NECAB2: variants seen among roughly 807,000 people sequenced by gnomAD.
NECAB2 encodes the protein N-terminal EF-hand calcium-binding protein 2.
In NECAB2, 68 loss-of-function variants were observed where a neutral mutation model predicts 51.9. The ratio of observed to expected loss-of-function variants is 1.31; its 90% CI spans 1.08 to 1.60. The LOEUF (loss-of-function observed/expected upper bound fraction) is 1.60, where lower values mean the gene tolerates loss of function less well. Ranked by LOEUF, NECAB2 falls within the 40% of genes most tolerant of loss-of-function variation. NECAB2 has a pLI of 0.00. For missense variants in NECAB2, 854 were observed against 490.3 expected (o/e 1.74, Z -7.00); for synonymous variants, 329 against 203.5 (o/e 1.62, Z -5.25).
intron 5 of NECAB2, among the ~76,000 whole-genome samples, chr16:83,983,057 C>G (rs563531910): frequency 1.3e-5 from 2 of 151,640 alleles, no homozygotes; most frequent in African/African-American, 4.8e-5. Context: ...TTAGTAGAGA[C>G]GGGGTTTCAC....
intron 5 of NECAB2, among the ~76,000 whole-genome samples, chr16:83,983,701 C>T (rs1407191518): frequency 1.3e-5 from 2 of 152,160 alleles, no homozygotes; most frequent in African/African-American, 2.4e-5. Flanking sequence ...ATTCTTTTAT[C>T]ACATTACTGA....
intron 8 of NECAB2, 30 bp from the exon 9 acceptor site, chr16:83,997,186 C>T (rs376213569): frequency 4.3e-6 from 7 of 1,613,848 alleles, no homozygotes; most frequent in African/African-American, 2.7e-5. Flanking sequence ...GGCTCTGGGT[C>T]TAGCATCACT....
At chr16:83,998,475 A>G (rs771804353) in intron 10 of NECAB2, among the ~76,000 whole-genome samples, 158 bp downstream of exon 10, 5 of 152,120 alleles carry the variant, frequency 3.3e-5, no homozygotes, top group Non-Finnish European at 7.4e-5. Flanking sequence ...GTCTCTACTG[A>G]GGTTCCTCCC....
chr16:83,973,600 CAG>C (rs1387154849), intron 2 of NECAB2, among the ~76,000 whole-genome samples: 1 of 152,164 alleles, frequency 6.6e-6, no homozygotes, highest in Non-Finnish European at 1.5e-5. Context: ...GAGGGGAAAT[CAG>C]GGGGCTGTCC....
At chr16:83,984,767 A>T (rs2084531545) in intron 5 of NECAB2, among the ~76,000 whole-genome samples, 1 of 152,200 alleles carries the variant, frequency 6.6e-6, no homozygotes, top group South Asian at 2.1e-4. Context: ...TGTAGCTCAC[A>T]TCTTAAGTTT....
chr16:83,976,052 G>A (rs895778699), intron 2 of NECAB2, among the ~76,000 whole-genome samples: 2 of 152,068 alleles, frequency 1.3e-5, no homozygotes, highest in African/African-American at 4.8e-5. Context: ...CTGGTCTCTG[G>A]CTGCCTGCTC....
intron 8 of NECAB2, among the ~76,000 whole-genome samples, chr16:83,995,561 C>T (rs1316905277): frequency 1.3e-5 from 2 of 152,216 alleles, no homozygotes; most frequent in Non-Finnish European, 2.9e-5. Flanking sequence ...CACATGCACA[C>T]AGCACACCCG....
chr16:83,969,289 C>G (rs2084323423), intron 1 of NECAB2, among the ~76,000 whole-genome samples: 1 of 152,114 alleles, frequency 6.6e-6, no homozygotes, highest in African/African-American at 2.4e-5. Context: ...ACCCCTACCT[C>G]TAGCCCACCT....
intron 6 of NECAB2, chr16:83,993,501 G>T (rs904405464): frequency 6.5e-6 from 1 of 154,262 alleles, no homozygotes; most frequent in Admixed American, 6.5e-5. Flanking sequence ...TTCTGGGGGA[G>T]TGTCTGTGTT....
intron 10 of NECAB2, among the ~76,000 whole-genome samples, chr16:83,998,801 T>TGTCCCCCTC (rs1555549551): frequency 7.3e-5 from 11 of 151,706 alleles, no homozygotes; most frequent in African/African-American, 2.7e-4. Flanking sequence ...TAGTTGCCCT[T>TGTCCCCCTC]CTCCCCCTGA....
rs1351380493 is a variant in NECAB2, at chr16:84,001,843, G to A, written c.1059G>A (p.Leu353=). 3 of 1,614,142 alleles carry A rather than the reference G, an allele frequency of 1.9e-6. No individual in the cohort carries two copies. The highest frequency in any genetic ancestry group is 1.1e-5 in the South Asian group (1 of 91,088). The change falls in exon 12 of 13, where the codon CTG becomes CTA. Residue 353 remains leucine, a synonymous_variant. Coordinates refer to ENST00000305202, the MANE Select transcript of NECAB2 (RefSeq NM_019065.3). ...GTCACAGGCACCTGCAGAGCCCCCT[G>A]TGTAAGGCGTTCCGGCACGTCAAGG... ...EAWKRHLQSP[L]CKAFRHVKVD... is the part of the protein sequence containing the mutation.
rs1365463013 is a variant in NECAB2, at chr16:83,968,449, G to A, written c.-200G>A. ...GCGCCCGGCCGGCGGGGGTGGGGGC[G>A]GCGGGGAGCGGGCACGTGGCTCGGG... is the stretch of plus-strand genomic sequence containing the variant. On this transcript the variant is annotated 5_prime_UTR_variant, in exon 1 of 13. Transcript: ENST00000305202. 6.8e-6 allele frequency among the ~76,000 whole-genome samples: 1 copy of A among 146,482 alleles called. No individual in the cohort carries two copies. Among genetic ancestry groups the A allele is most frequent in the Non-Finnish European group, 1.5e-5 (1 of 65,960 alleles).
chr16:83,989,358 G>T (rs550319852), intron 5 of NECAB2, among the ~76,000 whole-genome samples: 1 of 152,166 alleles, frequency 6.6e-6, no homozygotes, highest in African/African-American at 2.4e-5. Flanking sequence ...CCTTCACCAC[G>T]CCTTAGCTGT....
At chr16:83,993,015 GC>G (rs955320006) in intron 6 of NECAB2, among the ~76,000 whole-genome samples, 1 of 152,190 alleles carries the variant, frequency 6.6e-6, no homozygotes, top group Non-Finnish European at 1.5e-5. Context: ...ACACCCACCT[GC>G]CCCCATGGTG....
chr16:84,001,678 C>T (rs1168529158), intron 11 of NECAB2, 147 bp from the exon 12 acceptor site: 2 of 642,606 alleles, frequency 3.1e-6, no homozygotes, highest in African/African-American at 1.5e-4. Context: ...GGCACCCCCT[C>T]ACCTTCCCAC....
chr16:83,998,125 G>C, intron 9 of NECAB2, 80 bp from the exon 10 acceptor site: 2 of 1,237,298 alleles, frequency 1.6e-6, no homozygotes, highest in East Asian at 2.4e-5. Flanking sequence ...CCGAGGAAGG[G>C]AGGTCATGGG....
At chr16:83,999,333 C>A (rs1234260461) in intron 10 of NECAB2, among the ~76,000 whole-genome samples, 1 of 152,140 alleles carries the variant, frequency 6.6e-6, no homozygotes, top group African/African-American at 2.4e-5. Flanking sequence ...CAGACTTGAT[C>A]TTTTTCCATT....
chr16:83,996,581 C>T (rs578195517), intron 8 of NECAB2, among the ~76,000 whole-genome samples: 4 of 150,780 alleles, frequency 2.7e-5, no homozygotes, highest in African/African-American at 9.7e-5. Context: ...GAAGCAGCAG[C>T]ATGAGCCTGT....
chr16:83,967,326 T>C (rs1482750451), upstream of NECAB2, among the ~76,000 whole-genome samples: 1 of 150,824 alleles, frequency 6.6e-6, no homozygotes, highest in Non-Finnish European at 1.5e-5. Context: ...GCCTGGCACC[T>C]AGTGGGTTCT....
Sources: gnomAD v4.1 joint callset for allele counts (sites outside exome capture counted in the v4.1 genomes callset) on GRCh38, gnomAD v4.1.1 for gene constraint, MANE v1.5 for transcripts, NCBI Gene and HGNC (gene_info 2026-07-23, HGNC 2026-07-21) for gene names.